PXDNL: variants seen among roughly 807,000 people sequenced by gnomAD.
PXDNL encodes peroxidasin like.
A neutral mutation model predicts 150.8 loss-of-function variants in PXDNL; 145 were observed. The ratio of observed to expected loss-of-function variants is 0.96; its 90% CI spans 0.84 to 1.10. The LOEUF (loss-of-function observed/expected upper bound fraction) is 1.10. Ranked by LOEUF, PXDNL falls within the 50% of genes least tolerant of loss-of-function variation. PXDNL has a pLI of 0.00. For missense variants in PXDNL, 2,087 were observed against 1,873.9 expected, an observed-to-expected ratio of 1.11 and a Z score of -2.10; for synonymous variants, 757 against 725.7, an observed-to-expected ratio of 1.04 and a Z score of -0.69.
intron 1 of PXDNL, among the ~76,000 whole-genome samples, chr8:51,676,004 CTG>C (rs1815614348): frequency 6.6e-6 from 1 of 152,130 alleles, no homozygotes; most frequent in Admixed American, 6.6e-5. Flanking sequence ...ATTCAATAAT[CTG>C]TGTTGTTTGG....
intron 1 of PXDNL, among the ~76,000 whole-genome samples, chr8:51,808,066 A>G (rs1563327239): frequency 6.6e-6 from 1 of 152,206 alleles, no homozygotes; most frequent in African/African-American, 2.4e-5. Context: ...ATCTATGGAT[A>G]ATATGTCATT....
chr8:51,556,434 C>T (rs952085721), intron 4 of PXDNL, among the ~76,000 whole-genome samples: 2 of 152,050 alleles, frequency 1.3e-5, no homozygotes, highest in Non-Finnish European at 2.9e-5. Context: ...AAATTATAGT[C>T]ACAGCTATAA....
At chr8:51,572,301 C>T (rs536642718) in intron 3 of PXDNL, among the ~76,000 whole-genome samples, 3 of 151,586 alleles carry the variant, frequency 2.0e-5, no homozygotes, top group African/African-American at 7.3e-5. Flanking sequence ...TTCATAATAG[C>T]CAAAATATAG....
chr8:51,648,073 C>T (rs992219971), intron 2 of PXDNL, among the ~76,000 whole-genome samples: 12 of 152,102 alleles, frequency 7.9e-5, no homozygotes, highest in Non-Finnish European at 1.5e-4. Context: ...CTTCTTTTTG[C>T]AACTCAAAAG....
chr8:51,568,121 A>G (rs761550861), intron 3 of PXDNL, among the ~76,000 whole-genome samples: 1 of 151,634 alleles, frequency 6.6e-6, no homozygotes, highest in African/African-American at 2.4e-5. Flanking sequence ...ATTTATTTTT[A>G]TTCTGAACAA....
At chr8:51,414,407 T>C (rs1808738648) in intron 14 of PXDNL, among the ~76,000 whole-genome samples, 3 of 151,408 alleles carry the variant, frequency 2.0e-5, no homozygotes, top group Non-Finnish European at 1.5e-5. Flanking sequence ...AGAAAAAAAA[T>C]ACCAATGGTA....
chr8:51,669,907 C>T (rs916775639), intron 1 of PXDNL, among the ~76,000 whole-genome samples: 1 of 152,126 alleles, frequency 6.6e-6, no homozygotes, highest in African/African-American at 2.4e-5. Flanking sequence ...ACTAATTCAA[C>T]AAATTGTGAA....
intron 1 of PXDNL, among the ~76,000 whole-genome samples, chr8:51,699,672 A>G (rs1816210489): frequency 6.6e-6 from 1 of 152,194 alleles, no homozygotes; most frequent in Non-Finnish European, 1.5e-5. Context: ...CACTAAGCAT[A>G]ATCATTTCTA....
At chr8:51,366,114 G>T (rs975394411) in intron 19 of PXDNL, among the ~76,000 whole-genome samples, 3 of 152,188 alleles carry the variant, frequency 2.0e-5, no homozygotes, top group African/African-American at 7.2e-5. Context: ...AAAGTTGAGA[G>T]GATGACCAAA....
At chr8:51,344,685 T>A (rs1409822235) in intron 20 of PXDNL, among the ~76,000 whole-genome samples, 1 of 152,212 alleles carries the variant, frequency 6.6e-6, no homozygotes, top group East Asian at 1.9e-4. Context: ...CAGTGAACAC[T>A]ACAACAGCAT....
At chr8:51,748,157 C>T (rs566254608) in intron 1 of PXDNL, among the ~76,000 whole-genome samples, 18 of 152,098 alleles carry the variant, frequency 1.2e-4, no homozygotes, top group Non-Finnish European at 1.5e-4. Flanking sequence ...TGACAGCAGC[C>T]GCTAAGCTAC....
At chr8:51,534,292 C>T (rs1424682989) in intron 4 of PXDNL, among the ~76,000 whole-genome samples, 3 of 144,708 alleles carry the variant, frequency 2.1e-5, no homozygotes, top group Non-Finnish European at 4.5e-5. Context: ...GTCCGGCAGC[C>T]ACCCCGTCTG....
At chr8:51,545,804 A>G (rs1812348476) in intron 4 of PXDNL, among the ~76,000 whole-genome samples, 1 of 152,242 alleles carries the variant, frequency 6.6e-6, no homozygotes, top group Non-Finnish European at 1.5e-5. Context: ...CCAACCTCTT[A>G]ATATTTCTAC....
intron 4 of PXDNL, among the ~76,000 whole-genome samples, chr8:51,513,841 C>T (rs1418447599): frequency 2.6e-5 from 4 of 152,238 alleles, no homozygotes; most frequent in African/African-American, 9.6e-5. Context: ...CTGGAAGACT[C>T]TCCCAATTAA....
chr8:51,461,289 G>T (rs930202778), intron 8 of PXDNL, among the ~76,000 whole-genome samples: 1 of 152,186 alleles, frequency 6.6e-6, no homozygotes, highest in Non-Finnish European at 1.5e-5. Flanking sequence ...ACAGGAGCTG[G>T]GTGTGCTTCC....
At chr8:51,769,414 A>T (rs146705481) in intron 1 of PXDNL, among the ~76,000 whole-genome samples, 173 of 152,104 alleles carry the variant, frequency 1.1e-3, no homozygotes, top group African/African-American at 3.8e-3. Flanking sequence ...ACCTGTCTCT[A>T]CTCTTACTCC....
chr8:51,407,820 C>T (rs1808477629), intron 17 of PXDNL, among the ~76,000 whole-genome samples: 5 of 152,168 alleles, frequency 3.3e-5, no homozygotes, highest in Admixed American at 3.3e-4. Context: ...CCTCTCCTAA[C>T]TGAAATGCAA....
chr8:51,787,722 A>C (rs2037474061), intron 1 of PXDNL, among the ~76,000 whole-genome samples: 1 of 152,254 alleles, frequency 6.6e-6, no homozygotes, highest in Admixed American at 6.5e-5. Context: ...TTAGAATATT[A>C]CATCAACTTA....
intron 1 of PXDNL, among the ~76,000 whole-genome samples, chr8:51,669,242 G>T (rs1815451257): frequency 6.6e-6 from 1 of 152,084 alleles, no homozygotes; most frequent in African/African-American, 2.4e-5. Context: ...AATTAACTAG[G>T]ATCAAAAAGA....
Sources: gnomAD v4.1 joint callset for allele counts (sites outside exome capture counted in the v4.1 genomes callset) on GRCh38, gnomAD v4.1.1 for gene constraint, MANE v1.5 for transcripts, NCBI Gene and HGNC (gene_info 2026-07-23, HGNC 2026-07-21) for gene names.